CTNND2: variants seen among roughly 807,000 people sequenced by gnomAD.
CTNND2 encodes catenin delta 2.
CTNND2 carries 22 observed loss-of-function variants against 144.4 expected under a neutral mutation model. That is an observed-to-expected ratio of 0.15 (90% CI 0.11 to 0.22). CTNND2 has a LOEUF of 0.22. CTNND2 is among the 10% of genes least tolerant of loss of function. CTNND2 has a pLI of 1.00. For synonymous variants in CTNND2, 751 were observed against 695.6 expected (o/e 1.08, Z -1.25); for missense variants, 1,353 against 1,618.8 (o/e 0.84, Z 2.82).
chr5:11,717,391 T>C (rs1236229280), intron 2 of CTNND2, among the ~76,000 whole-genome samples: 1 of 150,746 alleles, frequency 6.6e-6, no homozygotes, highest in African/African-American at 2.4e-5. Flanking sequence ...CTGGCCAACA[T>C]GGTGAAGCCC....
At chr5:11,864,286 T>A (rs1795637532) in intron 1 of CTNND2, among the ~76,000 whole-genome samples, 2 of 152,168 alleles carry the variant, frequency 1.3e-5, no homozygotes, top group African/African-American at 2.4e-5. Context: ...ATGATGCTGT[T>A]CTTCCTAGAA....
intron 2 of CTNND2, among the ~76,000 whole-genome samples, chr5:11,614,291 C>G (rs539161002): frequency 7.9e-5 from 12 of 152,210 alleles, no homozygotes; most frequent in South Asian, 2.1e-4. Context: ...GATGTTCAGA[C>G]AGGTTAAAAA....
At chr5:11,789,281 G>T (rs113441797) in intron 1 of CTNND2, among the ~76,000 whole-genome samples, 1 of 151,944 alleles carries the variant, frequency 6.6e-6, no homozygotes, top group South Asian at 2.1e-4. Context: ...TCAATTTTTT[G>T]CCACTCCTGA....
intron 1 of CTNND2, among the ~76,000 whole-genome samples, chr5:11,771,568 A>G (rs1789940335): frequency 6.6e-6 from 1 of 152,154 alleles, no homozygotes; most frequent in African/African-American, 2.4e-5. Context: ...GACACAAACA[A>G]AATTCTACAA....
At chr5:11,237,784 C>A (rs1175276080) in intron 9 of CTNND2, among the ~76,000 whole-genome samples, 2 of 152,252 alleles carry the variant, frequency 1.3e-5, no homozygotes, top group African/African-American at 4.8e-5. Context: ...TGAGTCCAAT[C>A]CAAAATGTTG....
intron 1 of CTNND2, among the ~76,000 whole-genome samples, chr5:11,857,949 A>G (rs1795328454): frequency 6.6e-6 from 1 of 152,238 alleles, no homozygotes; most frequent in Non-Finnish European, 1.5e-5. Context: ...CTTTTCAGAT[A>G]GGAAGCACAG....
intron 8 of CTNND2, among the ~76,000 whole-genome samples, chr5:11,363,131 TG>T (rs1383020296): frequency 1.3e-5 from 2 of 152,242 alleles, no homozygotes; most frequent in African/African-American, 4.8e-5. Flanking sequence ...AAATGGCCCA[TG>T]GGCCATTGTT....
intron 2 of CTNND2, among the ~76,000 whole-genome samples, chr5:11,699,854 C>A (rs1035376915): frequency 6.6e-6 from 1 of 152,200 alleles, no homozygotes. Flanking sequence ...GAAATAAGTA[C>A]AACGTGCCAG....
chr5:11,864,156 C>G (rs1795630159), intron 1 of CTNND2, among the ~76,000 whole-genome samples: 1 of 152,118 alleles, frequency 6.6e-6, no homozygotes, highest in South Asian at 2.1e-4. Context: ...CAACGAAAGG[C>G]AGGCTTCCAA....
At position 11,837,672 on chromosome 5, in the gene CTNND2, TTTTG is replaced by T. The variant is rs3036042; in HGVS notation, c.37+66141_37+66144del. On this transcript the variant is annotated intron_variant, in intron 1 of 21. Transcript: ENST00000304623. ...ATCCTCTGGACAAAAGGTTTGAAGG[TTTTG>T]TTTGTTTGTTTGTTTTCTTTCTTTG... 7.7e-3 allele frequency among the ~76,000 whole-genome samples: 1,169 copies of T among 152,046 alleles called. 6 individuals are homozygous for T. The highest frequency in any genetic ancestry group is 0.013 in the Non-Finnish European group (903 of 67,974).
chr5:11,835,232 T>G (rs1794113628), intron 1 of CTNND2, among the ~76,000 whole-genome samples: 1 of 152,268 alleles, frequency 6.6e-6, no homozygotes, highest in African/African-American at 2.4e-5. Context: ...TTTCTGCATC[T>G]ATACTAATGA....
chr5:11,078,339 T>C (rs1262049476), intron 16 of CTNND2, among the ~76,000 whole-genome samples: 7 of 152,216 alleles, frequency 4.6e-5, no homozygotes, highest in African/African-American at 1.7e-4. Flanking sequence ...TACAATCCAA[T>C]GTTGTTCTTG....
chr5:11,658,406 T>C (rs1461150891), intron 2 of CTNND2, among the ~76,000 whole-genome samples: 2 of 152,130 alleles, frequency 1.3e-5, no homozygotes, highest in African/African-American at 4.8e-5. Context: ...GTCAGAGATA[T>C]TGTGAATAGC....
chr5:11,414,577 G>A (rs1248419359), intron 3 of CTNND2, among the ~76,000 whole-genome samples: 3 of 152,174 alleles, frequency 2.0e-5, no homozygotes, highest in South Asian at 2.1e-4. Flanking sequence ...TTAAACTGAT[G>A]TGTGAACTCC....
chr5:11,199,594 C>A lies in CTNND2; in HGVS notation c.1829G>T (p.Arg610Leu). Reference protein sequence around the residue: ...LLDHRMTEVHRSACGALRNLV... With the variant: ...LLDHRMTEVHLSACGALRNLV... ...GTTTCTCAGAGCTCCACAGGCACTA[C>A]GGTGGACTTCGGTCATCCGATGATC... The change falls in exon 11 of 22, where the codon CGT becomes CTT. Residue 610 changes from arginine to leucine, a missense_variant. Around this residue, in one of 4 missense-constraint regions of CTNND2, gnomAD observed 69 missense variants for 120.3 expected, o/e 0.57. Coordinates refer to ENST00000304623, the MANE Select transcript of CTNND2 (RefSeq NM_001332.4). 2 of 1,614,200 alleles carry A rather than the reference C, an allele frequency of 1.2e-6. No homozygotes were observed. The highest frequency in any genetic ancestry group is 1.7e-6 in the Non-Finnish European group (2 of 1,180,030).
chr5:11,366,509 A>T (rs17802003), intron 7 of CTNND2, among the ~76,000 whole-genome samples: 34,559 of 152,082 alleles, frequency 0.23, 4,075 homozygotes, highest in Non-Finnish European at 0.27. Context: ...ACTGTTTTGC[A>T]TAATTAGGTT....
At chr5:11,655,515 CATT>C (rs1364090586) in intron 2 of CTNND2, among the ~76,000 whole-genome samples, 2 of 152,032 alleles carry the variant, frequency 1.3e-5, no homozygotes, top group East Asian at 3.9e-4. Context: ...AAAAGAAACT[CATT>C]ATTCTTATTC....
At chr5:11,268,333 A>G (rs1216257404) in intron 9 of CTNND2, among the ~76,000 whole-genome samples, 2 of 152,204 alleles carry the variant, frequency 1.3e-5, no homozygotes, top group Non-Finnish European at 2.9e-5. Context: ...CTGCAATCCC[A>G]GCACTTTGGG....
chr5:11,315,780 G>C (rs1751417453), intron 9 of CTNND2, among the ~76,000 whole-genome samples: 2 of 152,292 alleles, frequency 1.3e-5, no homozygotes, highest in African/African-American at 4.8e-5. Flanking sequence ...GGAAGTGGAT[G>C]GCTACAATTC....
Sources: gnomAD v4.1 joint callset for allele counts (sites outside exome capture counted in the v4.1 genomes callset) on GRCh38, gnomAD v4.1.1 for gene constraint, gnomAD v4.1.1 regional missense constraint, MANE v1.5 for transcripts, NCBI Gene and HGNC (gene_info 2026-07-23, HGNC 2026-07-21) for gene names.